Variants in CNTNAP4 observed in about 807,000 individuals in gnomAD.
CNTNAP4 encodes the protein contactin-associated protein-like 4.
A neutral mutation model predicts 148.4 loss-of-function variants in CNTNAP4; 98 were observed. That is an observed-to-expected ratio of 0.66 (90% CI 0.56 to 0.78). CNTNAP4 has a LOEUF of 0.78. Ranked by LOEUF, CNTNAP4 falls within the 30% of genes least tolerant of loss-of-function variation. The pLI is 0.00. For missense variants in CNTNAP4, 1,935 were observed against 1,565.6 expected, an observed-to-expected ratio of 1.24 and a Z score of -3.98; for synonymous variants, 730 against 565.1, an observed-to-expected ratio of 1.29 and a Z score of -4.14.
chr16:76,334,303 A>G (rs1040330541), intron 2 of CNTNAP4, among the ~76,000 whole-genome samples: 13 of 151,944 alleles, frequency 8.6e-5, no homozygotes, highest in Admixed American at 2.0e-4. Flanking sequence ...AAACTAGTGG[A>G]AAAAAAGCCA....
rs566319750 is a variant in CNTNAP4 at position 76,382,226 on chromosome 16, A to G, written c.390+26715A>G. Among the ~76,000 whole-genome samples, 202 of 152,244 alleles carry G rather than the reference A, an allele frequency of 1.3e-3. 1 individual carries two copies. The highest frequency in any genetic ancestry group is 4.2e-3 in the African/African-American group (175 of 41,574). On this transcript the variant is annotated intron_variant, in intron 3 of 23. Transcript: ENST00000611870. The stretch of plus-strand genomic sequence containing the variant: ...ATTTAATAATTGTATACAAAATTAA[A>G]TATAAAGCCATTTCTAAAAAGCAAA...
At chr16:76,356,471 A>T (rs2012662124) in intron 3 of CNTNAP4, among the ~76,000 whole-genome samples, 1 of 152,170 alleles carries the variant, frequency 6.6e-6, no homozygotes, top group South Asian at 2.1e-4. Flanking sequence ...AAAGTGGGTG[A>T]TATTTGTAGT....
At chr16:76,478,940 C>T (rs1046129483) in intron 11 of CNTNAP4, among the ~76,000 whole-genome samples, 1 of 152,028 alleles carries the variant, frequency 6.6e-6, no homozygotes, top group African/African-American at 2.4e-5. Context: ...ATAGTTGTAA[C>T]ATGATTTAAA....
At chr16:76,500,015 T>C (rs2143887852) in intron 15 of CNTNAP4, among the ~76,000 whole-genome samples, 1 of 152,282 alleles carries the variant, frequency 6.6e-6, no homozygotes, top group East Asian at 1.9e-4. Context: ...CATTTCCCCC[T>C]TTTCTATTCG....
chr16:76,304,832 G>A (rs1283800815), intron 1 of CNTNAP4, among the ~76,000 whole-genome samples: 1 of 152,132 alleles, frequency 6.6e-6, no homozygotes, highest in African/African-American at 2.4e-5. Flanking sequence ...GGTCCCCCGA[G>A]GATGTCCATA....
rs190919953 is a variant in CNTNAP4, at chr16:76,473,600, C to T, written c.1656-2339C>T. Among the ~76,000 whole-genome samples the T allele has an allele frequency of 1.1e-4, 17 of 152,076 alleles. No homozygotes were observed. In the East Asian group the frequency reaches 3.1e-3, roughly 28 times the overall value. ...CATCCTGGCTAACATGGTGAAGCCC[C>T]GTCTCTACTAAAAAATACAAAAAAT... is the stretch of plus-strand genomic sequence containing the variant. On this transcript the variant is annotated intron_variant, in intron 10 of 23. Transcript: ENST00000611870.
At chr16:76,419,225 G>T (rs908584453) in intron 3 of CNTNAP4, among the ~76,000 whole-genome samples, 1 of 151,878 alleles carries the variant, frequency 6.6e-6, no homozygotes, top group Non-Finnish European at 1.5e-5. Flanking sequence ...TCTGACTCCT[G>T]TTGCTTTTTT....
chr16:76,324,715 C>A (rs914508641), intron 2 of CNTNAP4, among the ~76,000 whole-genome samples: 12 of 151,988 alleles, frequency 7.9e-5, no homozygotes, highest in Admixed American at 5.2e-4. Flanking sequence ...TTGTTAGGGC[C>A]CTTTTGCTGG....
At chr16:76,515,241 G>A (rs1245727015) in intron 15 of CNTNAP4, among the ~76,000 whole-genome samples, 1 of 152,160 alleles carries the variant, frequency 6.6e-6, no homozygotes, top group Non-Finnish European at 1.5e-5. Flanking sequence ...AAAGTTGACA[G>A]TTAAAAACAC....
At chr16:76,460,793 T>TATATATATATATATATATATATAC (rs1292198875) in intron 8 of CNTNAP4, among the ~76,000 whole-genome samples, 39 of 110,446 alleles carry the variant, frequency 3.5e-4, no homozygotes, top group African/African-American at 1.4e-3. Context: ...TATATATATA[T>TATATATATATATATATATATATAC]ATTTAGAATT....
chr16:76,500,051 C>G (rs2082565759), intron 15 of CNTNAP4, among the ~76,000 whole-genome samples: 1 of 152,160 alleles, frequency 6.6e-6, no homozygotes, highest in Admixed American at 6.5e-5. Flanking sequence ...TCATCATGGC[C>G]CGTTCTCAAT....
chr16:76,455,976 G>T (rs1362036814), intron 8 of CNTNAP4, among the ~76,000 whole-genome samples: 1 of 152,146 alleles, frequency 6.6e-6, no homozygotes, highest in East Asian at 1.9e-4. Context: ...ATGTTTATGT[G>T]GTTTAGGCTG....
chr16:76,404,641 C>T (rs895368980), intron 3 of CNTNAP4, among the ~76,000 whole-genome samples: 2 of 151,998 alleles, frequency 1.3e-5, no homozygotes, highest in African/African-American at 4.8e-5. Context: ...CATATAGAAT[C>T]TTTATATAAG....
chr16:76,289,857 C>T (rs1959042749), intron 1 of CNTNAP4, among the ~76,000 whole-genome samples: 1 of 152,150 alleles, frequency 6.6e-6, no homozygotes, highest in Non-Finnish European at 1.5e-5. Context: ...AGGCATGAAC[C>T]ACCGCACCTG....
chr16:76,351,464 A>G (rs751897658), intron 2 of CNTNAP4, among the ~76,000 whole-genome samples: 42 of 152,164 alleles, frequency 2.8e-4, no homozygotes, highest in Admixed American at 1.2e-3. Flanking sequence ...CATTTGTCTT[A>G]AAATTAGAAC....
At chr16:76,328,889 C>T (rs1963259045) in intron 2 of CNTNAP4, among the ~76,000 whole-genome samples, 1 of 152,274 alleles carries the variant, frequency 6.6e-6, no homozygotes, top group South Asian at 2.1e-4. Context: ...AGGTGATCCA[C>T]CTGCCTCAGC....
intron 2 of CNTNAP4, among the ~76,000 whole-genome samples, chr16:76,335,658 G>A (rs1381573032): frequency 6.6e-6 from 1 of 152,198 alleles, no homozygotes; most frequent in African/African-American, 2.4e-5. Flanking sequence ...TGTGCTTAGG[G>A]TACGAGCTTG....
At chr16:76,309,879 T>A (rs1398263987) in intron 1 of CNTNAP4, 1 of 701,778 alleles carries the variant, frequency 1.4e-6, no homozygotes, top group African/African-American at 1.7e-5. Flanking sequence ...CCGCCATGAT[T>A]CTGAGGCCTT....
chr16:76,298,884 G>T (rs1345886227), intron 1 of CNTNAP4, among the ~76,000 whole-genome samples: 3 of 152,154 alleles, frequency 2.0e-5, no homozygotes, highest in Non-Finnish European at 4.4e-5. Flanking sequence ...GGGCAGAAAT[G>T]ATTCAAGTGT....
Sources: gnomAD v4.1 joint callset for allele counts (sites outside exome capture counted in the v4.1 genomes callset) on GRCh38, gnomAD v4.1.1 for gene constraint, MANE v1.5 for transcripts, NCBI Gene and HGNC (gene_info 2026-07-23, HGNC 2026-07-21) for gene names.